Variants in ENO4 observed in about 807,000 individuals in gnomAD.
ENO4 encodes the protein enolase 4.
Under a neutral mutation model 63.2 loss-of-function variants are expected in ENO4, and 53 were observed. The ratio of observed to expected loss-of-function variants is 0.84; its 90% CI spans 0.67 to 1.05. The LOEUF (loss-of-function observed/expected upper bound fraction) is 1.05. Ranked by LOEUF, ENO4 falls within the 50% of genes least tolerant of loss-of-function variation. The pLI is 0.00. For missense variants in ENO4, 719 were observed against 772.0 expected (o/e 0.93, Z 0.81); for synonymous variants, 266 against 283.8 (o/e 0.94, Z 0.63).
intron 1 of ENO4, chr10:116,850,006 C>A: frequency 3.3e-6 from 2 of 612,140 alleles, no homozygotes; most frequent in South Asian, 1.8e-5. Flanking sequence ...CAGGGGCTGG[C>A]AGGCTTCCTC....
intron 10 of ENO4, among the ~76,000 whole-genome samples, chr10:116,887,705 T>C (rs1847210718): frequency 6.6e-6 from 1 of 152,190 alleles, no homozygotes; most frequent in Non-Finnish European, 1.5e-5. Flanking sequence ...TCTCTTCCAA[T>C]AGCATGTAAA....
rs188283709 is a variant in ENO4, at chr10:116,895,394, G to A, written c.1194+15408G>A. On this transcript the variant is annotated intron_variant, in intron 10 of 10. Transcript: ENST00000369207. ...AAGCACAGCCCTTTATTGGACATTT[G>A]GCATGAAAAAAATTGAAATAATTTC... 3.4e-4 allele frequency among the ~76,000 whole-genome samples: 52 copies of A among 152,196 alleles called. No individual in the cohort carries two copies. In the East Asian group the frequency reaches 7.0e-3, roughly 20 times the overall value.
chr10:116,871,530 A>G (rs920570522), intron 9 of ENO4, among the ~76,000 whole-genome samples: 1 of 152,208 alleles, frequency 6.6e-6, no homozygotes, highest in African/African-American at 2.4e-5. Context: ...AAATTCTACA[A>G]TAAAGATAAG....
Position 116,871,125 on chromosome 10 carries a change from CA to C in ENO4, c.1049del (p.Gln350ArgfsTer13). On this transcript the variant is annotated frameshift_variant and splice_region_variant, in exon 9 of 14. Transcript: ENST00000341276. LOFTEE classifies it high-confidence loss of function. ...GGATCATTGTCTCTTGATCTTGCAG[CA>C]GCAGATCACTGGCAAGATGTCTCAT... ...KGHDGSKRGQ[Q>X]QITGKMSHLG... The C allele has an allele frequency of 1.9e-6, 3 of 1,549,992 alleles. No homozygotes were observed. In the South Asian group the frequency reaches 3.6e-5, roughly 18 times the overall value.
chr10:116,904,652 A>G (rs1847889653), intron 10 of ENO4, among the ~76,000 whole-genome samples: 1 of 152,212 alleles, frequency 6.6e-6, no homozygotes, highest in African/African-American at 2.4e-5. Flanking sequence ...ATAATACATT[A>G]AGTGAAAAAT....
At chr10:116,878,843 A>C (rs1015119932) in intron 11 of ENO4, among the ~76,000 whole-genome samples, 9 of 143,424 alleles carry the variant, frequency 6.3e-5, no homozygotes, top group East Asian at 2.1e-4. Context: ...TCCCGGGTTC[A>C]CGCCATTCTC....
At position 116,861,738 on chromosome 10, in the gene ENO4, A is replaced by G. The variant is rs149009976; in HGVS notation, c.936+548A>G. Among the ~76,000 whole-genome samples, 5 of 152,230 alleles carry G rather than the reference A, an allele frequency of 3.3e-5. No individual in the cohort carries two copies. The East Asian group carries it at 9.7e-4, about 29-fold the overall frequency. ...AAATCATGATGACCAAAGGTTCATG[A>G]TCTATAGGAGATGCTTTGTAAAAAA... On this transcript the variant is annotated intron_variant, in intron 6 of 13. Coordinates refer to ENST00000341276, the MANE Select transcript of ENO4 (RefSeq NM_001242699.2).
chr10:116,851,114 G>A (rs1209390139), intron 1 of ENO4, among the ~76,000 whole-genome samples: 1 of 152,228 alleles, frequency 6.6e-6, no homozygotes, highest in African/African-American at 2.4e-5. Flanking sequence ...TAAAAACATG[G>A]ACTCTTGTTC....
chr10:116,908,598 A>G (rs1027881667), intron 10 of ENO4, among the ~76,000 whole-genome samples: 1 of 152,220 alleles, frequency 6.6e-6, no homozygotes, highest in African/African-American at 2.4e-5. Flanking sequence ...ATAAGTTGTA[A>G]AACTACTACA....
intron 10 of ENO4, chr10:116,901,658 C>T (rs973052597): frequency 1.6e-5 from 21 of 1,352,786 alleles, no homozygotes; most frequent in East Asian, 6.1e-5. Flanking sequence ...GAGAATTTAC[C>T]GGCGAGCCAA....
At chr10:116,857,660 A>G in intron 3 of ENO4, among the ~76,000 whole-genome samples, 1 of 143,586 alleles carries the variant, frequency 7.0e-6, no homozygotes, top group East Asian at 2.0e-4. Context: ...TTTTTTTGAG[A>G]TGGAGTCTTC....
In ENO4 at chr10:116,896,400, T is replaced by G. The variant is rs114580446; in HGVS notation, c.1195-15099T>G. Among the ~76,000 whole-genome samples, 664 of 152,326 alleles carry G rather than the reference T, an allele frequency of 4.4e-3. 7 individuals are homozygous for G. Among genetic ancestry groups the G allele is most frequent in the African/African-American group, 0.015 (632 of 41,570 alleles). ...ATCCCAGAATGTGTAAATGTGGGAC[T>G]AGTCAACCTAGCTGGGGTGAAAGAA... On this transcript the variant is annotated intron_variant, in intron 10 of 10. Coordinates refer to the ENO4 transcript ENST00000369207.
chr10:116,863,257 A>G (rs1192852660), intron 7 of ENO4, among the ~76,000 whole-genome samples: 1 of 151,746 alleles, frequency 6.6e-6, no homozygotes, highest in African/African-American at 2.4e-5. Flanking sequence ...ACGCAGGCGT[A>G]TGAGTCGCCA....
intron 10 of ENO4, among the ~76,000 whole-genome samples, chr10:116,893,406 T>G (rs1847401806): frequency 1.3e-5 from 2 of 152,142 alleles, no homozygotes; most frequent in African/African-American, 4.8e-5. Flanking sequence ...TCAGCAGTAC[T>G]AAGATTACAG....
chr10:116,876,383 C>A, intron 11 of ENO4, 123 bp downstream of exon 11: 1 of 844,192 alleles, frequency 1.2e-6, no homozygotes, highest in Non-Finnish European at 1.8e-6. Flanking sequence ...GAAAGTCCAA[C>A]CATTTGTGAG....
intron 10 of ENO4, among the ~76,000 whole-genome samples, chr10:116,906,135 T>G (rs1847961894): frequency 6.6e-6 from 1 of 152,272 alleles, no homozygotes. Flanking sequence ...CCATGCACAT[T>G]GCTAAGCATT....
exon 11 of ENO4, chr10:116,911,576 CT>C: frequency 6.4e-7 from 1 of 1,550,874 alleles, no homozygotes; most frequent in East Asian, 2.4e-5. Flanking sequence ...AGTGTAACCA[CT>C]CTTTTAGAAC....
At position 116,861,040 on chromosome 10, in the gene ENO4, C is replaced by A. The variant is rs1048917489; in HGVS notation, c.805-19C>A. 2.6e-6 allele frequency: 4 copies of A among 1,543,778 alleles called. No homozygotes were observed. Among genetic ancestry groups the A allele is most frequent in the Non-Finnish European group, 2.6e-6 (3 of 1,143,168 alleles). ...ATGAACCCTGTTTCTCATTTTCCCT[C>A]GTTTTCCCCCTATTTCAGGAACAGC... On this transcript the variant is annotated intron_variant, in intron 5 of 13. Transcript: ENST00000341276.
chr10:116,901,469 T>A (rs1448795348), intron 10 of ENO4: 1 of 984,962 alleles, frequency 1.0e-6, no homozygotes, highest in East Asian at 1.1e-4. Context: ...AAAGACTGAT[T>A]GTCTCCTGAC....
Sources: gnomAD v4.1 joint callset for allele counts (sites outside exome capture counted in the v4.1 genomes callset) on GRCh38, gnomAD v4.1.1 for gene constraint, MANE v1.5 for transcripts, NCBI Gene and HGNC (gene_info 2026-07-23, HGNC 2026-07-21) for gene names.